The following ADAMTS8 variants were observed in gnomAD, a reference collection of about 807,000 sequenced individuals.
ADAMTS8 encodes the protein ADAM metallopeptidase with thrombospondin type 1 motif 8.
A neutral mutation model predicts 64.4 loss-of-function variants in ADAMTS8; 50 were observed. The ratio of observed to expected loss-of-function variants is 0.78; its 90% CI spans 0.62 to 0.98. The LOEUF is 0.98. ADAMTS8 is among the 50% of genes least tolerant of loss of function. ADAMTS8 has a pLI of 0.00. For missense variants in ADAMTS8, 1,192 were observed against 1,208.2 expected, an observed-to-expected ratio of 0.99 and a Z score of 0.20; for synonymous variants, 556 against 533.6, an observed-to-expected ratio of 1.04 and a Z score of -0.58.
At position 130,428,252 on chromosome 11, in the gene ADAMTS8, G is replaced by T; in HGVS notation, c.35C>A (p.Pro12Gln). Residue 12 changes from proline to glutamine, a missense_variant, in exon 1 of 9, where the codon CCG becomes CAG. This residue lies in a region of ADAMTS8 where 741 missense variants were observed against 710.6 expected (regional missense o/e 1.04). Transcript: ENST00000257359. ...LPAPAAPRWP[P>Q]LLLLLLLLLP... ...CAGCAGCAGCAGCAGCAGCAGGAGC[G>T]GAGGCCACCGGGGGGCGGCGGGGGC... 1.6e-6 allele frequency: 2 copies of T among 1,212,842 alleles called. No homozygotes were observed. The highest frequency in any genetic ancestry group is 2.0e-6 in the Non-Finnish European group (2 of 980,022). The allele number at this position is 1,212,842 out of a possible 1,614,324, so 75.1% of individuals were successfully genotyped here.
Position 130,417,016 on chromosome 11 carries a change from A to G in ADAMTS8, c.1020T>C (p.Ile340=). ...DTLGVADIGT[I]CDPNKSCSVI... ...CGGAGCAGCTTTTGTTGGGGTCACA[A>G]ATGGTCCCGATGTCTGCCACACCCA... The change falls in exon 3 of 9, where the codon ATT becomes ATC. Residue 340 remains isoleucine (I), a synonymous_variant. Transcript: ENST00000257359. 1.2e-6 allele frequency: 2 copies of G among 1,613,900 alleles called. No homozygotes were observed. The highest frequency in any genetic ancestry group is 8.5e-7 in the Non-Finnish European group (1 of 1,179,966).
chr11:130,414,465 C>G, intron 5 of ADAMTS8, 66 bp downstream of exon 5: 1 of 1,514,204 alleles, frequency 6.6e-7, no homozygotes, highest in Non-Finnish European at 8.9e-7. Context: ...GAACAGCCCT[C>G]AGTCCTCCCC....
chr11:130,418,650 C>T (rs530495781), intron 2 of ADAMTS8, among the ~76,000 whole-genome samples: 18 of 152,326 alleles, frequency 1.2e-4, no homozygotes, highest in South Asian at 6.2e-4. Flanking sequence ...TAAGTCATGC[C>T]GTGTAGGTGG....
chr11:130,405,830 G>A lies in ADAMTS8; in HGVS notation c.2398C>T (p.Pro800Ser), dbSNP rs752431460. Residue 800 changes from proline (P) to serine (S), a missense_variant, in exon 9 of 9, where the codon CCA becomes TCA. Pro to Ser is a moderately conservative substitution (Grantham distance 74). Coordinates refer to ENST00000257359, the MANE Select transcript of ADAMTS8 (RefSeq NM_007037.6). ...ACAAAGAAGGTGTATTTGACTTTTGGGGGGAAGACCTCGCCAGGGACTGTC... is the reference window on the plus strand; with the variant it reads ...ACAAAGAAGGTGTATTTGACTTTTGAGGGGAAGACCTCGCCAGGGACTGTC... ...LLTVPGEVFPPKVKYTFFVPN... is the reference protein window; with the variant it reads ...LLTVPGEVFPSKVKYTFFVPN... The A allele has an allele frequency of 6.2e-7, 1 of 1,613,964 alleles. No homozygotes were observed. The highest frequency in any genetic ancestry group is 8.5e-7 in the Non-Finnish European group (1 of 1,180,048).
chr11:130,426,062 C>T (rs754243761), intron 1 of ADAMTS8, among the ~76,000 whole-genome samples: 1 of 152,332 alleles, frequency 6.6e-6, no homozygotes, highest in South Asian at 2.1e-4. Flanking sequence ...TCCGTGCTCT[C>T]AGGACAGGCA....
Position 130,416,166 on chromosome 11 carries a change from G to A in ADAMTS8, c.1261C>T (p.His421Tyr), listed in dbSNP as rs1222632343. ...MYLTELLDGG[H>Y]GDCLLDAPAA... ...GGGCGGGGCCGCCGGTGCCTACCGT[G>A]CCCGCCGTCCAGAAGCTCTGTGAGA... The change falls in exon 4 of 9, where the codon CAC becomes TAC. Residue 421 changes from histidine to tyrosine, a missense_variant. By Grantham distance (83) the His-to-Tyr change is moderately conservative. This residue lies in a region of ADAMTS8 where 741 missense variants were observed against 710.6 expected (regional missense o/e 1.04). Transcript: ENST00000257359. This position sits in a 1 kb window ranked among gnomAD's most constrained non-coding sequence, Gnocchi z 4.8. 4 of 1,576,434 alleles carry A rather than the reference G, an allele frequency of 2.5e-6. No homozygotes were observed. The highest frequency in any genetic ancestry group is 1.7e-6 in the Non-Finnish European group (2 of 1,159,280).
chr11:130,422,260 TATTAAAAAAAAATGA>T (rs539496030), intron 1 of ADAMTS8, among the ~76,000 whole-genome samples: 63 of 151,944 alleles, frequency 4.1e-4, no homozygotes, highest in African/African-American at 1.4e-3. Context: ...ATCCTGTCTC[TATTAAAAAAAAATGA>T]ATTAAAAAAA....
chr11:130,420,674 T>C (rs1223082625), intron 1 of ADAMTS8, among the ~76,000 whole-genome samples: 6 of 152,074 alleles, frequency 3.9e-5, no homozygotes, highest in Admixed American at 2.0e-4. Flanking sequence ...ATCTGTCTGT[T>C]CACCTCACAG....
chr11:130,414,937 T>G, intron 4 of ADAMTS8, 105 bp from the exon 5 acceptor site: 1 of 1,211,992 alleles, frequency 8.3e-7, no homozygotes, highest in Non-Finnish European at 1.1e-6. Flanking sequence ...GTGTCACGAC[T>G]TCTTGACCTC....
intron 1 of ADAMTS8, among the ~76,000 whole-genome samples, chr11:130,421,682 G>T (rs914022947): frequency 5.9e-5 from 9 of 152,190 alleles, no homozygotes; most frequent in Non-Finnish European, 1.2e-4. Context: ...TTATATATGC[G>T]GTGCGTCTCA....
chr11:130,411,683 G>T lies in ADAMTS8; in HGVS notation c.1567-83C>A. On this transcript the variant is annotated intron_variant, in intron 5 of 8. Transcript: ENST00000257359. The surrounding 1 kb of genome is among the most constrained non-coding windows in gnomAD (Gnocchi z 4.2). ...GTGTCACTGGGTGGCCAATGCCCTG[G>T]CTTCCTCATCTAGTCATTATCATCT... 7.1e-7 allele frequency: 1 copy of T among 1,409,832 alleles called. No individual in the cohort carries two copies. The highest frequency in any genetic ancestry group is 9.8e-7 in the Non-Finnish European group (1 of 1,018,528). The allele number at this position is 1,409,832 out of a possible 1,614,324, so 87.3% of individuals were successfully genotyped here.
rs1231698027 is a variant in ADAMTS8 at position 130,405,692 on chromosome 11, T to G, written c.2536A>C (p.Ser846Arg). The G allele has an allele frequency of 3.1e-6, 5 of 1,613,998 alleles. No homozygotes were observed. The highest frequency in any genetic ancestry group is 4.2e-6 in the Non-Finnish European group (5 of 1,179,986). Residue 846 changes from serine (S) to arginine (R), a missense_variant, in exon 9 of 9, where the codon AGC (serine) becomes CGC (arginine). Transcript: ENST00000257359. ...WVLGDWSECS[S>R]TCGAGWQRRT... Reference sequence around the variant, plus strand: ...CTCTGCCAGCCGGCCCCGCAGGTGCTAGAGCACTCAGACCAGTCCCCCAGC... The same window carrying G: ...CTCTGCCAGCCGGCCCCGCAGGTGCGAGAGCACTCAGACCAGTCCCCCAGC...
chr11:130,410,240 T>C (rs1467675286), intron 6 of ADAMTS8, among the ~76,000 whole-genome samples: 1 of 152,196 alleles, frequency 6.6e-6, no homozygotes, highest in Non-Finnish European at 1.5e-5. Flanking sequence ...AATGGCTGTG[T>C]TAAAGGGATT....
chr11:130,414,451 T>C, intron 5 of ADAMTS8, 80 bp downstream of exon 5: 2 of 1,482,530 alleles, frequency 1.3e-6, no homozygotes, highest in Non-Finnish European at 1.8e-6. Flanking sequence ...GGTTTCCTTC[T>C]GGAGAACAGC....
chr11:130,413,591 C>T (rs1861980357), intron 5 of ADAMTS8, among the ~76,000 whole-genome samples: 2 of 152,132 alleles, frequency 1.3e-5, no homozygotes, highest in Non-Finnish European at 1.5e-5. Context: ...GTATTCAGAG[C>T]AGGGCAAAGA....
At chr11:130,415,603 CTTTTT>C (rs386375276) in intron 4 of ADAMTS8, among the ~76,000 whole-genome samples, 11 of 104,802 alleles carry the variant, frequency 1.0e-4, no homozygotes, top group Admixed American at 6.8e-4. Context: ...GCACCTGGCC[CTTTTT>C]TTTTTTTTTT....
In ADAMTS8 at chr11:130,420,360, T is replaced by G. The variant is rs561520119; in HGVS notation, c.721-1068A>C. 1.3e-3 allele frequency among the ~76,000 whole-genome samples: 195 copies of G among 152,290 alleles called. 1 individual carries two copies. Among genetic ancestry groups the G allele is most frequent in the African/African-American group, 4.6e-3 (192 of 41,566 alleles). On this transcript the variant is annotated intron_variant, in intron 1 of 8. Coordinates refer to ENST00000257359, the MANE Select transcript of ADAMTS8 (RefSeq NM_007037.6). ...TCCAAGGCTTGGAGAGAAGGCCAGA[T>G]GGGAACTCGCTCTCCTGCCTCAGCG...
chr11:130,427,451 CTTTTTTTTT>C (rs36087476), intron 1 of ADAMTS8, 107 bp downstream of exon 1: 43 of 438,422 alleles, frequency 9.8e-5, no homozygotes, highest in Non-Finnish European at 1.1e-4. Flanking sequence ...GTGGGGAGGG[CTTTTTTTTT>C]TTTTTTTTTT....
At position 130,405,813 on chromosome 11, in the gene ADAMTS8, G is replaced by T; in HGVS notation, c.2415C>A (p.Thr805=). ...AGTCCACGTCATTAGGAACAAAGAA[G>T]GTGTATTTGACTTTTGGGGGGAAGA... is the stretch of plus-strand genomic sequence containing the variant. ...GEVFPPKVKY[T]FFVPNDVDFS... is the part of the protein sequence containing the mutation. The change falls in exon 9 of 9, where the codon ACC becomes ACA. Residue 805 remains threonine (T), a synonymous_variant. Transcript: ENST00000257359. 6.2e-7 allele frequency: 1 copy of T among 1,614,048 alleles called. No individual in the cohort carries two copies.
Sources: gnomAD v4.1 joint callset for allele counts (sites outside exome capture counted in the v4.1 genomes callset) on GRCh38, gnomAD v4.1.1 for gene constraint, gnomAD v4.1.1 regional missense constraint, Gnocchi (gnomAD v3.1) non-coding constraint, MANE v1.5 for transcripts, NCBI Gene and HGNC (gene_info 2026-07-23, HGNC 2026-07-21) for gene names.